SERPINB6: variants seen among roughly 807,000 people sequenced by gnomAD.
SERPINB6 encodes the protein serpin family B member 6.
In SERPINB6, 16 loss-of-function variants were observed where a neutral mutation model predicts 26.1. That is an observed-to-expected ratio of 0.61 (90% CI 0.42 to 0.93). The LOEUF (loss-of-function observed/expected upper bound fraction) is 0.93. Among genes scored for constraint, SERPINB6 ranks in the 40% least tolerant of loss-of-function variants. The pLI is 0.00. For synonymous variants in SERPINB6, 174 were observed against 176.6 expected, an observed-to-expected ratio of 0.99 and a Z score of 0.11; for missense variants, 420 against 478.0, an observed-to-expected ratio of 0.88 and a Z score of 1.13.
chr6:2,948,490 G>A lies in SERPINB6; in HGVS notation c.939C>T (p.Ser313=). Reference sequence around the variant, plus strand: ...CCACAAAAGACTTGTGCACGACCTTGGACAGAGACAGGTCTGTCTGGGACA... The same window carrying A: ...CCACAAAAGACTTGTGCACGACCTTAGACAGAGACAGGTCTGTCTGGGACA... ...SGMSQTDLSL[S]KVVHKSFVEV... The change falls in exon 7 of 7, where the codon TCC becomes TCT. Residue 313 remains serine, a synonymous_variant. Coordinates refer to ENST00000380539, the MANE Select transcript of SERPINB6 (RefSeq NM_004568.6). This position sits in a 1 kb window ranked among gnomAD's most constrained non-coding sequence, Gnocchi z 5.0. 4.3e-6 allele frequency: 7 copies of A among 1,614,158 alleles called. No homozygotes were observed. The highest frequency in any genetic ancestry group is 3.3e-4 in the Middle Eastern group (2 of 6,062).
Position 2,959,619 on chromosome 6 carries a change from C to A in SERPINB6, c.-10-277G>T, listed in dbSNP as rs1435780370. ...GCACGTGGAGAAAGTGGGAAGGAGG[C>A]ACCCTTTCCTGGAGTCTCTTCCTTG... On this transcript the variant is annotated intron_variant, in intron 1 of 6. Coordinates refer to ENST00000380539, the MANE Select transcript of SERPINB6 (RefSeq NM_004568.6). 23 of 475,194 alleles carry A rather than the reference C, an allele frequency of 4.8e-5. No individual in the cohort carries two copies. In the East Asian group the frequency reaches 9.6e-4, roughly 20 times the overall value. 29.4% of individuals were successfully genotyped at this position (475,194 alleles called of 1,614,324 possible).
At chr6:2,971,222 C>T in intron 1 of SERPINB6, 1 of 973,026 alleles carries the variant, frequency 1.0e-6, no homozygotes, top group South Asian at 4.7e-5. Flanking sequence ...CGTCACCGGC[C>T]GGGCTCGCGG....
chr6:2,950,285 C>T (rs1769628300), intron 5 of SERPINB6, among the ~76,000 whole-genome samples: 1 of 152,084 alleles, frequency 6.6e-6, no homozygotes, highest in Non-Finnish European at 1.5e-5. Context: ...GTAATCCCAC[C>T]ATTTTGGGAG....
At chr6:2,950,307 C>T (rs1194680567) in intron 5 of SERPINB6, among the ~76,000 whole-genome samples, 5 of 151,994 alleles carry the variant, frequency 3.3e-5, no homozygotes, top group Non-Finnish European at 5.9e-5. Flanking sequence ...CTGAGGCAGA[C>T]GGATCACCTG....
At chr6:2,960,080 C>T (rs1177334381) in intron 1 of SERPINB6, 1 of 156,654 alleles carries the variant, frequency 6.4e-6, no homozygotes, top group African/African-American at 2.4e-5. Context: ...CAGACAGGCT[C>T]AGGGGTAGGG....
At position 2,948,666 on chromosome 6, in the gene SERPINB6, C is replaced by G; in HGVS notation, c.763G>C (p.Glu255Gln). 1.2e-6 allele frequency: 2 copies of G among 1,614,242 alleles called. No individual in the cohort carries two copies. Among genetic ancestry groups the G allele is most frequent in the Non-Finnish European group, 1.7e-6 (2 of 1,180,030 alleles). The change falls in exon 7 of 7, where the codon GAA (glutamate) becomes CAA (glutamine). Residue 255 changes from glutamate (E) to glutamine (Q), a missense_variant. Transcript: ENST00000380539. The surrounding 1 kb of genome is among the most constrained non-coding windows in gnomAD (Gnocchi z 5.0). ...TCCATCATGTCCAGCCTCGTCCATTCTACGAACTTCTCGTAAGTGAGTTCT... is the reference window on the plus strand; with the variant it reads ...TCCATCATGTCCAGCCTCGTCCATTGTACGAACTTCTCGTAAGTGAGTTCT... Reference protein sequence around the residue: ...EKELTYEKFVEWTRLDMMDEE... With the variant: ...EKELTYEKFVQWTRLDMMDEE...
intron 1 of SERPINB6, chr6:2,963,403 C>T (rs1432869458): frequency 6.6e-6 from 1 of 152,238 alleles, no homozygotes; most frequent in Non-Finnish European, 1.5e-5. Flanking sequence ...ACCATGTCTC[C>T]AGAGAACCCA....
rs956297210 is a variant in SERPINB6, at chr6:2,953,272, A to G, written c.431-86T>C. On this transcript the variant is annotated intron_variant, in intron 4 of 6. Coordinates refer to ENST00000380539, the MANE Select transcript of SERPINB6 (RefSeq NM_004568.6). ...GGAATCGGCTGGGGCCTTCTCCTTC[A>G]GCAGTCAAGTGCACGGATAGAGAGT... The G allele has an allele frequency of 5.7e-6, 9 of 1,568,944 alleles. No homozygotes were observed. The African/African-American group carries it at 9.5e-5, about 16-fold the overall frequency.
chr6:2,966,053 A>G (rs1243822485), intron 1 of SERPINB6, among the ~76,000 whole-genome samples: 1 of 152,190 alleles, frequency 6.6e-6, no homozygotes, highest in Admixed American at 6.5e-5. Context: ...TGAAATACGG[A>G]GTTTTCCTCT....
At chr6:2,971,183 C>T (rs1772124563) in intron 1 of SERPINB6, 1 of 992,484 alleles carries the variant, frequency 1.0e-6, no homozygotes. Flanking sequence ...GGCGCTGGGC[C>T]TGGGCGCCCG....
At chr6:2,969,922 G>A in intron 1 of SERPINB6, 1 of 752,614 alleles carries the variant, frequency 1.3e-6, no homozygotes, top group African/African-American at 1.9e-5. Context: ...AGATCACGAG[G>A]TCAGGAGTTT....
Position 2,968,618 on chromosome 6 carries a change from G to A in SERPINB6, c.-11+2915C>T, listed in dbSNP as rs79127934. 2,855 of 1,219,246 alleles carry A rather than the reference G, an allele frequency of 2.3e-3. 50 individuals carry two copies. The African/African-American group carries it at 0.041, about 17-fold the overall frequency. 75.5% of individuals were successfully genotyped at this position (1,219,246 alleles called of 1,614,324 possible). A position where few individuals can be genotyped will look rare whatever the true frequency, so the allele number is the denominator to read the frequency against. On this transcript the variant is annotated intron_variant, in intron 1 of 6. Coordinates refer to ENST00000380539, the MANE Select transcript of SERPINB6 (RefSeq NM_004568.6). ...GTTTATTGAGTCTTCCGTTCCCTGC[G>A]CTGCCTATCTCTGGGGTCCTTTTGT...
chr6:2,968,320 G>C (rs1010493474), intron 1 of SERPINB6: 53 of 200,146 alleles, frequency 2.6e-4, no homozygotes, highest in Admixed American at 2.6e-4. Context: ...TGAAGGGTGG[G>C]AGGAGGGAGA....
Position 2,968,950 on chromosome 6 carries a change from G to A in SERPINB6, c.-11+2583C>T, listed in dbSNP as rs574423164. 4.1e-6 allele frequency: 5 copies of A among 1,222,756 alleles called. No homozygotes were observed. The African/African-American group carries it at 6.2e-5, about 15-fold the overall frequency. 75.7% of individuals were successfully genotyped at this position (1,222,756 alleles called of 1,614,324 possible). ...TGGGGTGGAAGCAGATGGGGGTCGG[G>A]GGGCTTCTACTGGATCTGTAATCCC... On this transcript the variant is annotated intron_variant, in intron 1 of 6. Transcript: ENST00000380539.
rs75999214 is a variant in SERPINB6, at chr6:2,959,555, C to T, written c.-10-213G>A. Reference sequence around the variant, plus strand: ...AATGAAAGAGTTCTATGTGAAACGCCGCCCTGTTTTGTGAGGACTCCTCCC... The same window carrying T: ...AATGAAAGAGTTCTATGTGAAACGCTGCCCTGTTTTGTGAGGACTCCTCCC... On this transcript the variant is annotated intron_variant, in intron 1 of 6. Transcript: ENST00000380539. The T allele has an allele frequency of 6.2e-3, 3,597 of 584,356 alleles. 71 individuals carry two copies. Among genetic ancestry groups the T allele is most frequent in the African/African-American group, 0.06 (3,209 of 53,790 alleles). 36.2% of individuals were successfully genotyped at this position (584,356 alleles called of 1,614,324 possible).
chr6:2,964,413 A>G (rs182266080), intron 1 of SERPINB6, among the ~76,000 whole-genome samples: 5 of 152,340 alleles, frequency 3.3e-5, no homozygotes, highest in Admixed American at 2.0e-4. Flanking sequence ...GATTACATTA[A>G]AAAAGATATA....
intron 1 of SERPINB6, chr6:2,966,842 A>C (rs1771687440): frequency 1.8e-6 from 1 of 556,912 alleles, no homozygotes; most frequent in Non-Finnish European, 2.3e-6. Flanking sequence ...TTTTGTAGAG[A>C]CAGGGTCTCG....
intron 2 of SERPINB6, 28 bp downstream of exon 2, chr6:2,959,140 T>TAGC (rs751561396): frequency 6.2e-7 from 1 of 1,614,002 alleles, no homozygotes; most frequent in Non-Finnish European, 8.5e-7. Flanking sequence ...TGACAGTTAA[T>TAGC]AGCACCATGG....
intron 1 of SERPINB6, chr6:2,970,994 C>T (rs1772100928): frequency 9.8e-6 from 12 of 1,221,328 alleles, no homozygotes; most frequent in Non-Finnish European, 1.2e-5. Flanking sequence ...GGCGCCGAAC[C>T]CCTCGGCCTC....
Sources: allele counts gnomAD v4.1 joint callset (sites outside exome capture counted in the v4.1 genomes callset), GRCh38; gene constraint gnomAD v4.1.1; non-coding constraint Gnocchi (gnomAD v3.1); transcripts MANE v1.5; gene names NCBI Gene and HGNC (gene_info 2026-07-23, HGNC 2026-07-21).